Variants in GCNT2 observed in about 807,000 individuals in gnomAD.
The protein encoded by GCNT2 is N-acetyllactosaminide beta-1,6-N-acetylglucosaminyl-transferase.
In GCNT2, 34 loss-of-function variants were observed where a neutral mutation model predicts 34.2. The observed-to-expected ratio is 1.00, with a 90% CI of 0.76 to 1.32. GCNT2 has a LOEUF of 1.32. Ranked by LOEUF, GCNT2 falls within the 40% of genes most tolerant of loss-of-function variation. GCNT2 has a pLI of 0.00. For synonymous variants in GCNT2, 212 were observed against 188.0 expected, an observed-to-expected ratio of 1.13 and a Z score of -1.04; for missense variants, 584 against 489.4, an observed-to-expected ratio of 1.19 and a Z score of -1.82.
At chr6:10,581,750 T>A (rs1581440115) in intron 3 of GCNT2, 5 of 985,278 alleles carry the variant, frequency 5.1e-6, no homozygotes, top group Non-Finnish European at 6.0e-6. Context: ...AAAAACCGAC[T>A]GAACCTGCAA....
intron 3 of GCNT2, among the ~76,000 whole-genome samples, chr6:10,607,140 G>T (rs946712665): frequency 6.6e-6 from 1 of 152,000 alleles, no homozygotes; most frequent in African/African-American, 2.4e-5. Flanking sequence ...TAGAGACGGG[G>T]TTTCACCATG....
At chr6:10,549,941 C>T (rs752160973) in intron 3 of GCNT2, among the ~76,000 whole-genome samples, 8 of 152,132 alleles carry the variant, frequency 5.3e-5, no homozygotes, top group Non-Finnish European at 1.2e-4. Context: ...CATTTTCTCC[C>T]ACTACTACCA....
chr6:10,573,495 TGGGG>T (rs1277991719), intron 3 of GCNT2, among the ~76,000 whole-genome samples: 1 of 151,936 alleles, frequency 6.6e-6, no homozygotes, highest in African/African-American at 2.4e-5. Context: ...TAAGTTGGGG[TGGGG>T]GCAGGTAGTG....
chr6:10,526,040 G>C (rs986526530), intron 1 of GCNT2, among the ~76,000 whole-genome samples: 2 of 152,174 alleles, frequency 1.3e-5, no homozygotes, highest in Admixed American at 6.5e-5. Flanking sequence ...CATTCCTATA[G>C]TATTTCATTT....
intron 4 of GCNT2, 125 bp downstream of exon 4, chr6:10,621,568 G>T (rs1766038568): frequency 2.8e-6 from 2 of 714,052 alleles, no homozygotes; most frequent in Non-Finnish European, 5.1e-6. Context: ...GTTAGTTATT[G>T]GAGAAGCCAG....
At chr6:10,594,559 GC>G (rs1488182262) in intron 3 of GCNT2, among the ~76,000 whole-genome samples, 1 of 152,132 alleles carries the variant, frequency 6.6e-6, no homozygotes, top group Non-Finnish European at 1.5e-5. Flanking sequence ...AATAATGATG[GC>G]TACTTAGTAA....
At position 10,569,824 on chromosome 6, in the gene GCNT2, TCTTC is replaced by T. The variant is rs70991027; in HGVS notation, c.925+40008_925+40011del. On this transcript the variant is annotated intron_variant, in intron 3 of 4. Coordinates refer to ENST00000495262, the MANE Select transcript of GCNT2 (RefSeq NM_145649.5). ...CTTACCCTCTGAGCTCATATGGATT[TCTTC>T]CTTCCTTCCTTCCTTCCTTTCTCTT... 8.0e-3 allele frequency among the ~76,000 whole-genome samples: 1,198 copies of T among 149,166 alleles called. 16 individuals are homozygous for T. Among genetic ancestry groups the T allele is most frequent in the African/African-American group, 0.026 (1,046 of 40,012 alleles).
chr6:10,575,008 A>AT (rs1276859087), intron 3 of GCNT2: 1 of 686,832 alleles, frequency 1.5e-6, no homozygotes, highest in Non-Finnish European at 2.7e-6. Context: ...GTTTACAACA[A>AT]TGCCAACGGC....
intron 3 of GCNT2, chr6:10,556,274 C>A (rs771693373): frequency 6.7e-7 from 1 of 1,492,356 alleles, no homozygotes; most frequent in Non-Finnish European, 8.9e-7. Context: ...GCTGGACTCT[C>A]GGGATGAAAC....
chr6:10,556,295 C>A (rs1329121334), intron 3 of GCNT2: 5 of 1,527,988 alleles, frequency 3.3e-6, no homozygotes, highest in Non-Finnish European at 4.4e-6. Flanking sequence ...GGAATCGATT[C>A]CCAGCGTCTC....
At chr6:10,558,666 G>A (rs1411646323) in intron 3 of GCNT2, among the ~76,000 whole-genome samples, 3 of 152,234 alleles carry the variant, frequency 2.0e-5, no homozygotes, top group African/African-American at 7.2e-5. Context: ...TGGCTGTTGG[G>A]GGATTGCCAA....
chr6:10,526,771 C>T (rs970292294), intron 1 of GCNT2, among the ~76,000 whole-genome samples: 4 of 152,090 alleles, frequency 2.6e-5, no homozygotes, highest in Non-Finnish European at 4.4e-5. Context: ...AAGTACAGGA[C>T]GTGGAAACAT....
chr6:10,582,493 T>TACATC (rs1201840671), intron 3 of GCNT2, among the ~76,000 whole-genome samples: 9,520 of 118,938 alleles, frequency 0.08, 563 homozygotes, highest in Non-Finnish European at 0.12. Context: ...TATACTATAA[T>TACATC]ATATAATATA....
At chr6:10,569,235 C>CCA (rs373362957) in intron 3 of GCNT2, among the ~76,000 whole-genome samples, 5,607 of 47,486 alleles carry the variant, frequency 0.12, 319 homozygotes, top group East Asian at 0.22. Context: ...ACTCCCCCCG[C>CCA]CACACACACA....
intron 3 of GCNT2, among the ~76,000 whole-genome samples, chr6:10,568,566 A>T (rs1763386494): frequency 6.6e-6 from 1 of 152,182 alleles, no homozygotes; most frequent in African/African-American, 2.4e-5. Flanking sequence ...TTCTTAAGAC[A>T]TAGCTCTAAG....
chr6:10,535,404 G>A (rs948174004), intron 3 of GCNT2, among the ~76,000 whole-genome samples: 5 of 152,096 alleles, frequency 3.3e-5, no homozygotes, highest in East Asian at 1.9e-4. Flanking sequence ...CCCCACTTCC[G>A]TCTTTTACCC....
chr6:10,552,948 C>G (rs895005765), intron 3 of GCNT2, among the ~76,000 whole-genome samples: 1 of 152,194 alleles, frequency 6.6e-6, no homozygotes, highest in Non-Finnish European at 1.5e-5. Context: ...TTTACCTAAC[C>G]TTTTCTGCCA....
chr6:10,536,472 A>G (rs904814969), intron 3 of GCNT2, among the ~76,000 whole-genome samples: 1 of 151,144 alleles, frequency 6.6e-6, no homozygotes, highest in Non-Finnish European at 1.5e-5. Flanking sequence ...CTCCTGCCTC[A>G]GCCTCCCGAG....
chr6:10,551,617 G>T (rs953247364), intron 3 of GCNT2, among the ~76,000 whole-genome samples: 23 of 151,860 alleles, frequency 1.5e-4, no homozygotes, highest in South Asian at 1.3e-3. Context: ...ACTAACTTTT[G>T]TATTTTTAGT....
Sources: allele counts gnomAD v4.1 joint callset (sites outside exome capture counted in the v4.1 genomes callset), GRCh38; gene constraint gnomAD v4.1.1; transcripts MANE v1.5; gene names NCBI Gene and HGNC (gene_info 2026-07-23, HGNC 2026-07-21).